Variants in ERLEC1 observed in about 807,000 individuals in gnomAD.
ERLEC1 encodes the protein ER lectin.
In ERLEC1, 47 loss-of-function variants were observed where a neutral mutation model predicts 68.0. That is an observed-to-expected ratio of 0.69 (90% CI 0.55 to 0.88). The LOEUF is 0.88. Among genes scored for constraint, ERLEC1 ranks in the 40% least tolerant of loss-of-function variants. The pLI is 0.00. For synonymous variants in ERLEC1, 225 were observed against 203.2 expected (o/e 1.11, Z -0.91); for missense variants, 567 against 583.8 (o/e 0.97, Z 0.30).
chr2:53,800,416 A>G (rs1274050841), intron 6 of ERLEC1, among the ~76,000 whole-genome samples: 1 of 152,186 alleles, frequency 6.6e-6, no homozygotes, highest in Non-Finnish European at 1.5e-5. Context: ...TACAAATGAT[A>G]AAAACTGAAA....
intron 2 of ERLEC1, 76 bp from the exon 3 acceptor site, chr2:53,795,855 AAT>A (rs1459808272): frequency 2.3e-6 from 2 of 887,242 alleles, no homozygotes; most frequent in East Asian, 5.1e-5. Context: ...TGATTTGAGT[AAT>A]GAGTTAATAT....
At chr2:53,789,347 T>C (rs1231566934) in intron 1 of ERLEC1, among the ~76,000 whole-genome samples, 2 of 145,802 alleles carry the variant, frequency 1.4e-5, no homozygotes, top group Non-Finnish European at 3.0e-5. Flanking sequence ...TGAGCCAAGA[T>C]TGCACCACTG....
intron 8 of ERLEC1, among the ~76,000 whole-genome samples, chr2:53,806,699 A>G (rs1204412119): frequency 1.3e-5 from 2 of 152,218 alleles, no homozygotes; most frequent in African/African-American, 2.4e-5. Context: ...AGTAGAAGCA[A>G]AAGAACCATA....
intron 3 of ERLEC1, among the ~76,000 whole-genome samples, 162 bp from the exon 4 acceptor site, chr2:53,797,353 G>A (rs1359993685): frequency 6.6e-6 from 1 of 152,100 alleles, no homozygotes; most frequent in Non-Finnish European, 1.5e-5. Flanking sequence ...ATAATGAATA[G>A]ACTTCAGAAA....
At chr2:53,791,733 T>C (rs536822827) in intron 1 of ERLEC1, among the ~76,000 whole-genome samples, 17 of 152,244 alleles carry the variant, frequency 1.1e-4, no homozygotes, top group African/African-American at 4.1e-4. Flanking sequence ...AGTTTCTTTT[T>C]ACATTTGAAG....
intron 9 of ERLEC1, 111 bp from the exon 10 acceptor site, chr2:53,809,103 C>G: frequency 1.4e-6 from 1 of 730,906 alleles, no homozygotes; most frequent in South Asian, 1.8e-5. Context: ...TTCAACCATA[C>G]TATTGCTTTT....
chr2:53,794,146 A>G (rs1487850761), intron 1 of ERLEC1, among the ~76,000 whole-genome samples, 199 bp from the exon 2 acceptor site: 3 of 152,234 alleles, frequency 2.0e-5, no homozygotes, highest in Non-Finnish European at 4.4e-5. Flanking sequence ...CAATATATCC[A>G]TGTAACAAAC....
chr2:53,812,904 G>T (rs200492598), intron 10 of ERLEC1, 45 bp from the exon 11 acceptor site: 404 of 1,593,768 alleles, frequency 2.5e-4, no homozygotes, highest in Admixed American at 7.5e-4. Context: ...ATATCTACTT[G>T]ATGATATCAA....
At chr2:53,817,873 T>TAATG in intron 13 of ERLEC1, 25 bp from the exon 14 acceptor site, 2 of 1,536,536 alleles carry the variant, frequency 1.3e-6, no homozygotes, top group South Asian at 2.2e-5. Context: ...AGCAACTTTT[T>TAATG]AATGGCTTTG....
At chr2:53,796,521 A>G (rs1675712250) in intron 3 of ERLEC1, among the ~76,000 whole-genome samples, 6 of 151,808 alleles carry the variant, frequency 4.0e-5, no homozygotes, top group Admixed American at 3.9e-4. Context: ...GTATAGTGGC[A>G]TGATCACGAT....
At chr2:53,792,235 A>G (rs866570053) in intron 1 of ERLEC1, among the ~76,000 whole-genome samples, 6 of 142,566 alleles carry the variant, frequency 4.2e-5, no homozygotes, top group Non-Finnish European at 6.1e-5. Context: ...TTTTTTTTTA[A>G]TAAGTTGCCC....
At position 53,787,307 on chromosome 2, in the gene ERLEC1, G is replaced by C. The variant is rs753799059; in HGVS notation, c.97G>C (p.Ala33Pro). 8 of 1,610,816 alleles carry C rather than the reference G, an allele frequency of 5.0e-6. No individual in the cohort carries two copies. The highest frequency in any genetic ancestry group is 6.8e-6 in the Non-Finnish European group (8 of 1,179,976). ...CCTGGAGGCGTCCGGCGGCGGCCGA[G>C]CCCTTCCTCAACTCAGCGATGACAT... ...GLLEASGGGRALPQLSDDIPF... is the reference protein window; with the variant it reads ...GLLEASGGGRPLPQLSDDIPF... Residue 33 changes from alanine to proline, a missense_variant, in exon 1 of 14, where the codon GCC becomes CCC. Ala to Pro is a conservative substitution (Grantham distance 27, BLOSUM62 -1). Coordinates refer to ENST00000185150, the MANE Select transcript of ERLEC1 (RefSeq NM_015701.5).
At position 53,808,525 on chromosome 2, in the gene ERLEC1, G is replaced by C. The variant is rs147228277; in HGVS notation, c.1041+65G>C. The C allele has an allele frequency of 1.8e-4, 274 of 1,482,558 alleles. 1 individual carries two copies. The African/African-American group carries it at 3.5e-3, about 19-fold the overall frequency. The allele number at this position is 1,482,558 out of a possible 1,614,324, so 91.8% of individuals were successfully genotyped here. A position where few individuals can be genotyped will look rare whatever the true frequency, so the allele number is the denominator to read the frequency against. ...CTTTACCTGCCAGGTATGGTCAGTGGGCATCAGCAGCACTGAAAAGAATTT... is the reference window on the plus strand; with the variant it reads ...CTTTACCTGCCAGGTATGGTCAGTGCGCATCAGCAGCACTGAAAAGAATTT... On this transcript the variant is annotated intron_variant, in intron 9 of 13. Coordinates refer to ENST00000185150, the MANE Select transcript of ERLEC1 (RefSeq NM_015701.5).
At chr2:53,806,381 A>C in intron 8 of ERLEC1, among the ~76,000 whole-genome samples, 1 of 152,334 alleles carries the variant, frequency 6.6e-6, no homozygotes, top group Non-Finnish European at 1.5e-5. Flanking sequence ...TTCACTATGC[A>C]GCATTATTGT....
At chr2:53,795,891 T>C (rs1477977989) in intron 2 of ERLEC1, 42 bp from the exon 3 acceptor site, 11 of 1,353,112 alleles carry the variant, frequency 8.1e-6, no homozygotes, top group East Asian at 2.3e-5. Flanking sequence ...TTGGGTGAAA[T>C]TCTAGAAAAA....
chr2:53,814,610 G>A lies in ERLEC1; in HGVS notation c.1294G>A (p.Val432Ile). The A allele has an allele frequency of 1.2e-6, 2 of 1,609,528 alleles. No homozygotes were observed. Among genetic ancestry groups the A allele is most frequent in the Non-Finnish European group, 1.7e-6 (2 of 1,176,836 alleles). ...DITDKPRQVT[V>I]KLKCKESDSP... is the part of the protein sequence containing the mutation. The stretch of plus-strand genomic sequence containing the variant: ...AACTGACAAACCAAGACAGGTGACT[G>A]TAAAACTAAAGTAAGTTAGACCATC... Residue 432 changes from valine to isoleucine, a missense_variant, in exon 12 of 14, where the codon GTA becomes ATA. Val to Ile is a conservative substitution (Grantham distance 29). Coordinates refer to ENST00000185150, the MANE Select transcript of ERLEC1 (RefSeq NM_015701.5).
chr2:53,808,187 G>C, intron 8 of ERLEC1, 112 bp from the exon 9 acceptor site: 1 of 1,141,362 alleles, frequency 8.8e-7, no homozygotes, highest in Non-Finnish European at 1.2e-6. Flanking sequence ...AAAGCAAGTG[G>C]ACAATTTATT....
At chr2:53,790,187 G>A (rs749373403) in intron 1 of ERLEC1, among the ~76,000 whole-genome samples, 4 of 151,728 alleles carry the variant, frequency 2.6e-5, no homozygotes, top group African/African-American at 9.7e-5. Flanking sequence ...TCTGCCTCCC[G>A]GGTTCAAGCG....
In ERLEC1 at chr2:53,808,388, AACCCACATATCCAAATTGACAGAT is replaced by A. The variant is rs1558603379; in HGVS notation, c.970_993del (p.Thr324_Asp331del). ...CTCAGCCAGTGCTCACTGTTGGGAC[AACCCACATATCCAAATTGACAGAT>A]GACCAACTCATAAAAGAGTTTCTTA... On this transcript the variant is annotated inframe_deletion, in exon 9 of 14. Coordinates refer to ENST00000185150, the MANE Select transcript of ERLEC1 (RefSeq NM_015701.5). The A allele has an allele frequency of 2.5e-6, 4 of 1,614,258 alleles. No individual in the cohort carries two copies. Among genetic ancestry groups the A allele is most frequent in the Non-Finnish European group, 3.4e-6 (4 of 1,180,040 alleles).
Sources: allele counts gnomAD v4.1 joint callset (sites outside exome capture counted in the v4.1 genomes callset), GRCh38; gene constraint gnomAD v4.1.1; transcripts MANE v1.5; gene names NCBI Gene and HGNC (gene_info 2026-07-23, HGNC 2026-07-21).